Variants in CCDC57 observed in about 807,000 individuals in gnomAD.
CCDC57 encodes the protein coiled-coil domain containing 57, also known as coiled-coil domain-containing protein 57.
Under a neutral mutation model 118.9 loss-of-function variants are expected in CCDC57, and 118 were observed. That is an observed-to-expected ratio of 0.99 (90% CI 0.86 to 1.16). The LOEUF (loss-of-function observed/expected upper bound fraction) is 1.16. Among genes scored for constraint, CCDC57 ranks in the 50% most tolerant of loss-of-function variants. CCDC57 has a pLI of 0.00. For missense variants in CCDC57, 1,300 were observed against 1,320.7 expected, an observed-to-expected ratio of 0.98 and a Z score of 0.24; for synonymous variants, 527 against 532.9, an observed-to-expected ratio of 0.99 and a Z score of 0.15.
At chr17:82,184,013 ACATGCGCGCGCGCGCGCG>A in intron 8 of CCDC57, 81 bp from the exon 8 acceptor site, 6 of 815,982 alleles carry the variant, frequency 7.4e-6, no homozygotes, top group Non-Finnish European at 9.2e-6. Flanking sequence ...CAGCAAATAC[ACATGCGCGCGCGCGCGCG>A]CACACACACA....
chr17:82,198,480 C>T, intron 3 of CCDC57, 58 bp from the exon 3 acceptor site: 1 of 1,221,426 alleles, frequency 8.2e-7, no homozygotes, highest in Non-Finnish European at 1.2e-6. Flanking sequence ...AAAGGTAATA[C>T]ATTTTCAAGG....
intron 19 of CCDC57, among the ~76,000 whole-genome samples, chr17:82,114,071 CCT>C (rs1045283823): frequency 3.3e-5 from 5 of 152,178 alleles, no homozygotes; most frequent in African/African-American, 7.2e-5. Context: ...TTACCTGGGC[CCT>C]GAGGGGGTTC....
chr17:82,111,103 T>G (rs997353318), intron 19 of CCDC57, among the ~76,000 whole-genome samples: 19 of 152,146 alleles, frequency 1.2e-4, no homozygotes, highest in Admixed American at 2.0e-4. Context: ...TTTTTGTTTT[T>G]GTTTTGTTTT....
chr17:82,188,143 C>A (rs2047204163), intron 8 of CCDC57, 76 bp downstream of exon 7: 1 of 1,307,656 alleles, frequency 7.6e-7, no homozygotes, highest in Non-Finnish European at 1.0e-6. Context: ...TGTGGTCTGG[C>A]ACCAGTGGGC....
intron 13 of CCDC57, among the ~76,000 whole-genome samples, chr17:82,165,336 A>G (rs899160331): frequency 6.6e-6 from 1 of 152,162 alleles, no homozygotes; most frequent in Non-Finnish European, 1.5e-5. Context: ...CAGAACACAA[A>G]AAGCCTCACT....
intron 16 of CCDC57, among the ~76,000 whole-genome samples, chr17:82,149,972 GACCC>G: frequency 6.7e-6 from 1 of 149,780 alleles, no homozygotes; most frequent in South Asian, 2.1e-4. Flanking sequence ...CTCAGAACCT[GACCC>G]GCACCCAGAA....
chr17:82,196,496 T>A (rs1205440361), intron 4 of CCDC57, among the ~76,000 whole-genome samples: 1 of 152,188 alleles, frequency 6.6e-6, no homozygotes, highest in Non-Finnish European at 1.5e-5. Context: ...CATCATGACG[T>A]GAGCGTGGCC....
chr17:82,131,131 A>T (rs1284590172), intron 17 of CCDC57, among the ~76,000 whole-genome samples: 4 of 150,062 alleles, frequency 2.7e-5, no homozygotes, highest in African/African-American at 2.4e-5. Context: ...CATTTTTTTT[A>T]AAAGAAAAAT....
intron 14 of CCDC57, among the ~76,000 whole-genome samples, chr17:82,161,799 A>T (rs2043368162): frequency 6.6e-6 from 1 of 152,116 alleles, no homozygotes. Flanking sequence ...GGTGGGGAGA[A>T]AAGCTCCGGT....
At chr17:82,151,894 T>C in intron 15 of CCDC57, 121 bp from the exon 15 acceptor site, 4 of 779,978 alleles carry the variant, frequency 5.1e-6, no homozygotes, top group East Asian at 2.7e-5. Context: ...TGGCTGTCAC[T>C]GGGTGACATC....
intron 5 of CCDC57, 127 bp from the exon 5 acceptor site, chr17:82,194,266 A>G: frequency 1.0e-6 from 1 of 978,898 alleles, no homozygotes; most frequent in Non-Finnish European, 1.5e-6. Flanking sequence ...GAAGCAGTAA[A>G]ACAGTGAGAA....
intron 11 of CCDC57, among the ~76,000 whole-genome samples, chr17:82,177,177 G>C (rs182686837): frequency 6.6e-6 from 1 of 152,018 alleles, no homozygotes; most frequent in African/African-American, 2.4e-5. Context: ...TCAGGAGTTC[G>C]AGATCAGCCT....
intron 19 of CCDC57, chr17:82,105,128 A>C (rs6416857): frequency 6.6e-6 from 1 of 152,220 alleles, no homozygotes; most frequent in Non-Finnish European, 1.5e-5. Flanking sequence ...GGGAAGGGCC[A>C]GACGGTGAGC....
At chr17:82,125,999 G>C (rs1460113724) in intron 19 of CCDC57, among the ~76,000 whole-genome samples, 1 of 152,214 alleles carries the variant, frequency 6.6e-6, no homozygotes, top group Non-Finnish European at 1.5e-5. Flanking sequence ...AAGTGGTTCT[G>C]GCCAGGCACG....
chr17:82,210,316 C>T (rs2050077985), intron 1 of CCDC57, among the ~76,000 whole-genome samples: 1 of 151,928 alleles, frequency 6.6e-6, no homozygotes, highest in Non-Finnish European at 1.5e-5. Context: ...ACAAATAGCA[C>T]ATTAACAGTT....
At chr17:82,168,378 T>C (rs2146196624) in intron 13 of CCDC57, among the ~76,000 whole-genome samples, 1 of 152,314 alleles carries the variant, frequency 6.6e-6, no homozygotes, top group East Asian at 1.9e-4. Context: ...GTGGATCACC[T>C]GAGGCCAGAA....
chr17:82,145,542 CAA>C (rs1295708627), intron 16 of CCDC57, among the ~76,000 whole-genome samples: 1 of 143,996 alleles, frequency 6.9e-6, no homozygotes. Flanking sequence ...GATTCTGTCT[CAA>C]AAAAAAAAAG....
intron 19 of CCDC57, chr17:82,113,351 A>C: frequency 1.4e-6 from 1 of 713,808 alleles, no homozygotes; most frequent in Non-Finnish European, 2.6e-6. Context: ...GCCTCATAAA[A>C]TGTCACCAGC....
In CCDC57 at chr17:82,163,143, G is replaced by A. The variant is rs376603205; in HGVS notation, c.2040+57C>T. ...CCGGGCAGCCGCTCAGAGCCCACGC[G>A]CTCTCCCCCAGCAGCGGCTCTCTAG... On this transcript the variant is annotated intron_variant, in intron 14 of 19. Coordinates refer to ENST00000665763, the Ensembl canonical transcript of CCDC57. 1.9e-4 allele frequency: 302 copies of A among 1,586,846 alleles called. 1 individual carries two copies. The African/African-American group carries it at 3.3e-3, about 17-fold the overall frequency.
Sources: allele counts gnomAD v4.1 joint callset (sites outside exome capture counted in the v4.1 genomes callset), GRCh38; gene constraint gnomAD v4.1.1; transcripts MANE v1.5; gene names NCBI Gene and HGNC (gene_info 2026-07-23, HGNC 2026-07-21).